YTHDF2: variants seen among roughly 807,000 people sequenced by gnomAD.
YTHDF2 encodes YTH N6-methyladenosine RNA binding protein F2.
A neutral mutation model predicts 50.4 loss-of-function variants in YTHDF2; 2 were observed. The ratio of observed to expected loss-of-function variants is 0.04; its 90% CI spans 0.02 to 0.12. The LOEUF (loss-of-function observed/expected upper bound fraction) is 0.12, where lower values mean the gene tolerates loss of function less well. Among genes scored for constraint, YTHDF2 ranks in the 10% least tolerant of loss-of-function variants. YTHDF2 has a pLI of 1.00. For missense variants in YTHDF2, 483 were observed against 722.6 expected, an observed-to-expected ratio of 0.67 and a Z score of 3.80; for synonymous variants, 217 against 255.6, an observed-to-expected ratio of 0.85 and a Z score of 1.44.
intron 4 of YTHDF2, among the ~76,000 whole-genome samples, chr1:28,768,441 T>C (rs1245399646): frequency 1.3e-5 from 2 of 152,082 alleles, no homozygotes; most frequent in Non-Finnish European, 2.9e-5. Context: ...TATGTCAGCT[T>C]ATTAATTCTC....
chr1:28,742,503 G>T lies in YTHDF2; in HGVS notation c.233G>T (p.Gly78Val), dbSNP rs2087792255. 1 of 1,613,958 alleles carries T rather than the reference G, an allele frequency of 6.2e-7. No homozygotes were observed. Among genetic ancestry groups the T allele is most frequent in the Non-Finnish European group, 8.5e-7 (1 of 1,179,994 alleles). Residue 78 changes from glycine (G) to valine (V), a missense_variant, in exon 4 of 5, where the codon GGG (glycine) becomes GTG (valine). Transcript: ENST00000373812. ...TTGGGTGAAGCTGCTTGGTCTACGG[G>T]GGGTGACACAGCCATGCCCTACTTA... is the stretch of plus-strand genomic sequence containing the variant. Reference protein sequence around the residue: ...YSLGEAAWSTGGDTAMPYLTS... With the variant: ...YSLGEAAWSTVGDTAMPYLTS...
chr1:28,755,900 A>G (rs1557547551), intron 4 of YTHDF2, among the ~76,000 whole-genome samples: 1 of 152,206 alleles, frequency 6.6e-6, no homozygotes, highest in Non-Finnish European at 1.5e-5. Context: ...TTCTTACCCC[A>G]AGAATTTCAG....
At chr1:28,736,705 G>A, upstream of YTHDF2, 1 of 228,154 alleles carries the variant, frequency 4.4e-6, no homozygotes. Context: ...GGCGGTGGGG[G>A]CGGGGAGGCC....
chr1:28,757,289 AC>A (rs750736022), intron 4 of YTHDF2, among the ~76,000 whole-genome samples: 18 of 152,234 alleles, frequency 1.2e-4, no homozygotes, highest in Non-Finnish European at 2.5e-4. Flanking sequence ...AGCTAGAGTT[AC>A]CAAGAAACTT....
chr1:28,744,595 A>G (rs2087830541), intron 4 of YTHDF2, among the ~76,000 whole-genome samples: 1 of 152,204 alleles, frequency 6.6e-6, no homozygotes. Context: ...CTCTGTGAGT[A>G]TTGAGTGAAT....
At chr1:28,738,589 T>C (rs1200828449) in intron 3 of YTHDF2, among the ~76,000 whole-genome samples, 2 of 152,132 alleles carry the variant, frequency 1.3e-5, no homozygotes, top group Admixed American at 6.5e-5. Flanking sequence ...GGATTACACG[T>C]GTGCACCACC....
At chr1:28,737,976 C>G (rs117649978) in intron 2 of YTHDF2, 8 of 580,522 alleles carry the variant, frequency 1.4e-5, no homozygotes, top group Non-Finnish European at 2.1e-5. Flanking sequence ...GTGGATCACT[C>G]TCTGGAAGTA....
At chr1:28,755,294 C>T (rs2088020457) in intron 4 of YTHDF2, among the ~76,000 whole-genome samples, 1 of 151,978 alleles carries the variant, frequency 6.6e-6, no homozygotes, top group Non-Finnish European at 1.5e-5. Flanking sequence ...AATTTTCAAC[C>T]CTCAGGATAG....
chr1:28,765,901 T>A (rs145037902), intron 4 of YTHDF2, among the ~76,000 whole-genome samples: 1 of 152,212 alleles, frequency 6.6e-6, no homozygotes, highest in Non-Finnish European at 1.5e-5. Context: ...TAGTGTGTAG[T>A]TCCCAAGAAC....
intron 4 of YTHDF2, among the ~76,000 whole-genome samples, chr1:28,758,256 C>T (rs975365757): frequency 1.3e-5 from 2 of 151,982 alleles, no homozygotes; most frequent in African/African-American, 2.4e-5. Context: ...GTCCTAGCTA[C>T]CTGGGAGGCT....
chr1:28,739,278 C>G (rs2087742579), intron 3 of YTHDF2: 2 of 149,590 alleles, frequency 1.3e-5, no homozygotes, highest in African/African-American at 4.9e-5. Context: ...TTTATGGGTT[C>G]TTAGATTATC....
chr1:28,757,283 A>G (rs1390439950), intron 4 of YTHDF2, among the ~76,000 whole-genome samples: 1 of 152,246 alleles, frequency 6.6e-6, no homozygotes, highest in Non-Finnish European at 1.5e-5. Flanking sequence ...AGTTAGAGCT[A>G]GAGTTACCAA....
chr1:28,762,131 G>A (rs1269787592), intron 4 of YTHDF2, among the ~76,000 whole-genome samples: 4 of 151,994 alleles, frequency 2.6e-5, no homozygotes, highest in Non-Finnish European at 2.9e-5. Context: ...GGTGGCTCAC[G>A]CTTGTAATCC....
intron 3 of YTHDF2, among the ~76,000 whole-genome samples, chr1:28,742,047 C>CT (rs67430325): frequency 3.9e-4 from 56 of 143,372 alleles, no homozygotes; most frequent in Non-Finnish European, 4.5e-4. Flanking sequence ...GTGCTGCACA[C>CT]TTTTTTTTTT....
intron 4 of YTHDF2, among the ~76,000 whole-genome samples, chr1:28,752,224 C>T (rs1390164350): frequency 2.0e-5 from 3 of 152,196 alleles, no homozygotes; most frequent in Non-Finnish European, 4.4e-5. Flanking sequence ...TTATTTACAG[C>T]TGTTGTATCA....
rs34047138 is a variant in YTHDF2 at position 28,753,358 on chromosome 1, C to CAAAAAAAAAAAAAAAAAAAAAAAA, written c.1716+9389_1716+9412dup. The stretch of plus-strand genomic sequence containing the variant: ...GCAACATAATGAAATCCTGCCTCTC[C>CAAAAAAAAAAAAAAAAAAAAAAAA]AAAAAAAAAAAAAAAAAAAAAAAAA... On this transcript the variant is annotated intron_variant, in intron 4 of 4. Transcript: ENST00000373812. Among the ~76,000 whole-genome samples the CAAAAAAAAAAAAAAAAAAAAAAAA allele has an allele frequency of 7.4e-3, 126 of 16,946 alleles. 62 individuals carry two copies. Among genetic ancestry groups the CAAAAAAAAAAAAAAAAAAAAAAAA allele is most frequent in the Admixed American group, 0.011 (12 of 1,072 alleles). 11.1% of individuals were successfully genotyped at this position (16,946 alleles called of 152,430 possible). A position where few individuals can be genotyped will look rare whatever the true frequency, so the allele number is the denominator to read the frequency against.
intron 3 of YTHDF2, 54 bp downstream of exon 3, chr1:28,738,392 C>G: frequency 2.2e-6 from 3 of 1,357,622 alleles, no homozygotes; most frequent in Non-Finnish European, 3.1e-6. Flanking sequence ...TATTCTTTCT[C>G]CGCCTTCTAC....
In YTHDF2 at chr1:28,743,884, G is replaced by C. The variant is rs776635756; in HGVS notation, c.1614G>C (p.Lys538Asn). 1.9e-6 allele frequency: 3 copies of C among 1,611,440 alleles called. No homozygotes were observed. Among genetic ancestry groups the C allele is most frequent in the Non-Finnish European group, 2.5e-6 (3 of 1,179,194 alleles). Residue 538 changes from lysine (K) to asparagine (N), a missense_variant, in exon 4 of 5, where the codon AAG (lysine) becomes AAC (asparagine). By Grantham distance (94) the Lys-to-Asn change is moderately conservative. Around this residue, in one of 4 missense-constraint regions of YTHDF2, gnomAD observed 38 missense variants for 60.1 expected, o/e 0.63. Coordinates refer to ENST00000373812, the MANE Select transcript of YTHDF2 (RefSeq NM_016258.3). The surrounding 1 kb of genome is among the most constrained non-coding windows in gnomAD (Gnocchi z 6.9). Reference sequence around the variant, plus strand: ...AGGAAGTGCCTCTGGAAAAGGCTAAGCAGGTGTTGAAAATTATAGCCAGCT... The same window carrying C: ...AGGAAGTGCCTCTGGAAAAGGCTAACCAGGTGTTGAAAATTATAGCCAGCT... ...DTQEVPLEKA[K>N]QVLKIIASYK...
chr1:28,737,966 G>C (rs535244143), intron 2 of YTHDF2: 18 of 572,210 alleles, frequency 3.1e-5, no homozygotes, highest in African/African-American at 3.0e-4. Flanking sequence ...TTTCATCCTC[G>C]TGGATCACTC....
Sources: allele counts gnomAD v4.1 joint callset (sites outside exome capture counted in the v4.1 genomes callset), GRCh38; gene constraint gnomAD v4.1.1; regional missense constraint gnomAD v4.1.1; non-coding constraint Gnocchi (gnomAD v3.1); transcripts MANE v1.5; gene names NCBI Gene and HGNC (gene_info 2026-07-23, HGNC 2026-07-21).